The following ASIC2 variants were observed in gnomAD, a reference collection of about 807,000 sequenced individuals.
The protein encoded by ASIC2 is acid-sensing ion channel 2.
Under a neutral mutation model 57.3 loss-of-function variants are expected in ASIC2, and 25 were observed. The ratio of observed to expected loss-of-function variants is 0.44; its 90% CI spans 0.32 to 0.61. The LOEUF (loss-of-function observed/expected upper bound fraction) is 0.61. Among genes scored for constraint, ASIC2 ranks in the 20% least tolerant of loss-of-function variants. ASIC2 has a pLI of 0.06. For missense variants in ASIC2, 641 were observed against 738.1 expected, an observed-to-expected ratio of 0.87 and a Z score of 1.52; for synonymous variants, 319 against 307.5, an observed-to-expected ratio of 1.04 and a Z score of -0.39.
chr17:33,546,806 G>A (rs748124107), intron 1 of ASIC2, among the ~76,000 whole-genome samples: 2 of 152,252 alleles, frequency 1.3e-5, no homozygotes, highest in East Asian at 1.9e-4. Flanking sequence ...AGCTGGCACA[G>A]GACCTTGCTA....
At chr17:34,145,455 T>C (rs888347120) in intron 1 of ASIC2, among the ~76,000 whole-genome samples, 97 of 152,184 alleles carry the variant, frequency 6.4e-4, no homozygotes, top group Admixed American at 6.1e-3. Flanking sequence ...AATCCAACCC[T>C]TTACCTGACA....
chr17:33,770,158 T>A (rs1911051394), intron 1 of ASIC2, among the ~76,000 whole-genome samples: 1 of 152,240 alleles, frequency 6.6e-6, no homozygotes. Context: ...CCCAGCTCTG[T>A]GGTGGAATGT....
At chr17:33,742,969 C>T (rs902577181) in intron 1 of ASIC2, among the ~76,000 whole-genome samples, 1 of 152,180 alleles carries the variant, frequency 6.6e-6, no homozygotes, top group African/African-American at 2.4e-5. Flanking sequence ...TTTCCAGTTC[C>T]TGTTGGTAAG....
At chr17:33,121,260 C>G (rs1277937288) in intron 1 of ASIC2, among the ~76,000 whole-genome samples, 3 of 152,188 alleles carry the variant, frequency 2.0e-5, no homozygotes, top group Non-Finnish European at 4.4e-5. Context: ...TAGTGAGCAT[C>G]TCTAGAACAC....
At chr17:33,461,092 T>C (rs933992315) in intron 1 of ASIC2, among the ~76,000 whole-genome samples, 3 of 152,220 alleles carry the variant, frequency 2.0e-5, no homozygotes, top group Admixed American at 2.0e-4. Context: ...TGCATCTCCC[T>C]AGCTCTATAT....
intron 1 of ASIC2, among the ~76,000 whole-genome samples, chr17:33,393,656 T>G (rs1466832346): frequency 2.0e-5 from 3 of 152,040 alleles, no homozygotes. Context: ...GAGGATGAAG[T>G]AGGGGAATAT....
chr17:33,342,604 G>A (rs1907767564), intron 1 of ASIC2, among the ~76,000 whole-genome samples: 1 of 152,076 alleles, frequency 6.6e-6, no homozygotes, highest in Admixed American at 6.5e-5. Context: ...CATTGACTAA[G>A]TCCACATTAT....
At chr17:33,969,439 G>A (rs1449145615) in intron 1 of ASIC2, among the ~76,000 whole-genome samples, 1 of 152,190 alleles carries the variant, frequency 6.6e-6, no homozygotes, top group Non-Finnish European at 1.5e-5. Flanking sequence ...CTTGGGCTGG[G>A]CTGTCTCACA....
chr17:33,336,206 G>A (rs898369574), intron 1 of ASIC2, among the ~76,000 whole-genome samples: 2 of 152,018 alleles, frequency 1.3e-5, no homozygotes, highest in African/African-American at 2.4e-5. Flanking sequence ...TAGACTCTCA[G>A]TATCTCTAGG....
At position 34,156,332 on chromosome 17, in the gene ASIC2, G is replaced by A. The variant is rs371796245; in HGVS notation, c.201C>T (p.Tyr67=). 87 of 1,614,224 alleles carry A rather than the reference G, an allele frequency of 5.4e-5. No homozygotes were observed. In the African/African-American group the frequency reaches 9.3e-4, roughly 17 times the overall value. Residue 67 remains tyrosine (Y), a synonymous_variant, in exon 1 of 10, where the codon TAC becomes TAT. Transcript: ENST00000359872. The surrounding 1 kb of genome is among the most constrained non-coding windows in gnomAD (Gnocchi z 4.4). ...CCTTAGTGACATGCTGGTAGGAGAA[G>A]TAGTAGGACACCCTCTCAGAGCTCT...
At chr17:33,640,904 T>C (rs1906542011) in intron 1 of ASIC2, among the ~76,000 whole-genome samples, 2 of 152,266 alleles carry the variant, frequency 1.3e-5, no homozygotes, top group Non-Finnish European at 2.9e-5. Context: ...TCAGGAGGCA[T>C]GTTTCATGGG....
intron 3 of ASIC2, among the ~76,000 whole-genome samples, chr17:33,082,701 AAAATAAATAAATAAATAAAT>A (rs34712140): frequency 2.2e-5 from 3 of 139,526 alleles, no homozygotes; most frequent in Admixed American, 7.2e-5. Context: ...TCTGTCTCCA[AAAATAAATAAATAAATAAAT>A]AAATAAATAA....
intron 1 of ASIC2, among the ~76,000 whole-genome samples, chr17:33,320,991 T>A (rs548746244): frequency 1.3e-5 from 2 of 152,216 alleles, no homozygotes; most frequent in African/African-American, 4.8e-5. Context: ...GGTCACCTCA[T>A]CACTTTTCAG....
chr17:33,253,626 T>C (rs1461800630), intron 1 of ASIC2, among the ~76,000 whole-genome samples: 2 of 152,236 alleles, frequency 1.3e-5, no homozygotes, highest in African/African-American at 4.8e-5. Flanking sequence ...GGATCCTCTT[T>C]GGATGGCCCA....
In ASIC2 at chr17:33,599,933, C is replaced by T. The variant is rs554766615; in HGVS notation, c.556-487866G>A. On this transcript the variant is annotated intron_variant, in intron 1 of 9. Transcript: ENST00000359872. ...TCAAGTTCAAATCCTTCCTGTAACC[C>T]TTGATTCTTCTTTTTCTCTCCTTGT... Among the ~76,000 whole-genome samples, 125 of 152,284 alleles carry T rather than the reference C, an allele frequency of 8.2e-4. 1 individual carries two copies. In the Middle Eastern group the frequency reaches 0.037, roughly 46 times the overall value.
intron 1 of ASIC2, among the ~76,000 whole-genome samples, chr17:33,518,341 G>A (rs146005546): frequency 8.1e-4 from 123 of 152,330 alleles, no homozygotes; most frequent in South Asian, 4.1e-3. Flanking sequence ...CTGCCCACGT[G>A]GGCTCTGAAA....
At position 33,291,819 on chromosome 17, in the gene ASIC2, C is replaced by A; in HGVS notation, c.297G>T (p.Leu99Phe). The A allele has an allele frequency of 1.2e-6, 2 of 1,612,582 alleles. No homozygotes were observed. Among genetic ancestry groups the A allele is most frequent in the Non-Finnish European group, 1.7e-6 (2 of 1,179,826 alleles). Residue 99 changes from leucine (L) to phenylalanine (F), a missense_variant, in exon 1 of 10, where the codon TTG becomes TTT. Physicochemically the swap from Leu to Phe is conservative, Grantham distance 22. Coordinates refer to ENST00000225823, the MANE Select transcript of ASIC2 (RefSeq NM_183377.2). ...AGCGGTTCGAGGACCAGGACAGCAG[C>A]AAGCCGAAGGATGTACAGAAGGCCA... Reference protein sequence around the residue: ...WVLAFCTSFGLLLSWSSNRLL... With the variant: ...WVLAFCTSFGFLLSWSSNRLL...
intron 1 of ASIC2, among the ~76,000 whole-genome samples, chr17:33,907,522 A>C (rs544947077): frequency 6.6e-6 from 1 of 151,708 alleles, no homozygotes; most frequent in African/African-American, 2.4e-5. Flanking sequence ...TTCCCATGTG[A>C]CCCATTACTC....
chr17:33,517,318 G>A (rs34823060), intron 1 of ASIC2, among the ~76,000 whole-genome samples: 52,991 of 152,076 alleles, frequency 0.35, 11,208 homozygotes, highest in Non-Finnish European at 0.45. Flanking sequence ...GTTTCACCAT[G>A]TTGGCCAGGC....
Sources: gnomAD v4.1 joint callset for allele counts (sites outside exome capture counted in the v4.1 genomes callset) on GRCh38, gnomAD v4.1.1 for gene constraint, Gnocchi (gnomAD v3.1) non-coding constraint, MANE v1.5 for transcripts, NCBI Gene and HGNC (gene_info 2026-07-23, HGNC 2026-07-21) for gene names.